The following ASB7 variants were observed in gnomAD, a reference collection of about 807,000 sequenced individuals.
The protein encoded by ASB7 is ankyrin repeat and SOCS box containing 7.
A neutral mutation model predicts 32.5 loss-of-function variants in ASB7; 4 were observed. That is an observed-to-expected ratio of 0.12 (90% CI 0.06 to 0.28). ASB7 has a LOEUF of 0.28. Ranked by LOEUF, ASB7 falls within the 10% of genes least tolerant of loss-of-function variation. The pLI is 1.00. For missense variants in ASB7, 181 were observed against 407.1 expected, an observed-to-expected ratio of 0.44 and a Z score of 4.78; for synonymous variants, 172 against 155.6, an observed-to-expected ratio of 1.11 and a Z score of -0.78.
intron 5 of ASB7, chr15:100,645,655 A>T: frequency 8.0e-7 from 1 of 1,245,534 alleles, no homozygotes; most frequent in Non-Finnish European, 1.2e-6. Flanking sequence ...CCCAACCTGT[A>T]TGTGAGGTTA....
At chr15:100,635,427 G>A (rs2039915546) in intron 5 of ASB7, among the ~76,000 whole-genome samples, 1 of 152,048 alleles carries the variant, frequency 6.6e-6, no homozygotes, top group African/African-American at 2.4e-5. Context: ...TAGACATGGT[G>A]GGTAACAGAA....
At chr15:100,624,122 A>G (rs2039816790) in intron 4 of ASB7, among the ~76,000 whole-genome samples, 1 of 152,218 alleles carries the variant, frequency 6.6e-6, no homozygotes, top group African/African-American at 2.4e-5. Flanking sequence ...TCGATAGTAG[A>G]GAATAGAAGA....
At chr15:100,624,920 C>T (rs182040681) in intron 4 of ASB7, among the ~76,000 whole-genome samples, 7 of 152,006 alleles carry the variant, frequency 4.6e-5, no homozygotes, top group African/African-American at 7.2e-5. Context: ...AAATATTATG[C>T]CCAAGTAGTA....
intron 5 of ASB7, among the ~76,000 whole-genome samples, chr15:100,646,851 T>C (rs975854358): frequency 1.3e-5 from 2 of 152,224 alleles, no homozygotes; most frequent in African/African-American, 4.8e-5. Flanking sequence ...AGACATGATT[T>C]GCCTTTCTCT....
At position 100,634,474 on chromosome 15, in the gene ASB7, G is replaced by T. The variant is rs538283578; in HGVS notation, c.817+4432G>T. On this transcript the variant is annotated intron_variant, in intron 5 of 5. Transcript: ENST00000332783. ...TGGCAAGGTAAGTACTGTTCTCACC[G>T]AGCCACTTCTGCAGGTGAAAGGAAA... Among the ~76,000 whole-genome samples, 190 of 152,268 alleles carry T rather than the reference G, an allele frequency of 1.2e-3. 1 individual carries two copies. The highest frequency in any genetic ancestry group is 2.1e-3 in the Non-Finnish European group (146 of 68,014).
intron 2 of ASB7, among the ~76,000 whole-genome samples, chr15:100,604,916 T>TA (rs1433064867): frequency 3.9e-5 from 6 of 152,224 alleles, no homozygotes; most frequent in Non-Finnish European, 8.8e-5. Context: ...CAAAATGAAG[T>TA]ACTGTGTTTT....
At chr15:100,619,760 C>G (rs918313147) in intron 4 of ASB7, among the ~76,000 whole-genome samples, 2 of 152,196 alleles carry the variant, frequency 1.3e-5, no homozygotes, top group Non-Finnish European at 2.9e-5. Context: ...TTGCTTGTGA[C>G]CATAGTTTGG....
At chr15:100,607,448 G>A (rs1443413997) in intron 2 of ASB7, among the ~76,000 whole-genome samples, 1 of 152,176 alleles carries the variant, frequency 6.6e-6, no homozygotes, top group Non-Finnish European at 1.5e-5. Context: ...GACTATTTGG[G>A]GGTCTTTTGT....
At chr15:100,624,840 T>G (rs980771088) in intron 4 of ASB7, among the ~76,000 whole-genome samples, 1 of 152,172 alleles carries the variant, frequency 6.6e-6, no homozygotes. Flanking sequence ...AAGCCAATAT[T>G]TTTCATGACA....
intron 4 of ASB7, among the ~76,000 whole-genome samples, chr15:100,619,134 TC>T (rs1310124118): frequency 2.0e-5 from 3 of 152,106 alleles, no homozygotes; most frequent in African/African-American, 7.2e-5. Context: ...AAGGAAGACT[TC>T]CTAGATAAAG....
At chr15:100,610,081 A>G (rs372306576) in intron 3 of ASB7, among the ~76,000 whole-genome samples, 5 of 152,340 alleles carry the variant, frequency 3.3e-5, no homozygotes, top group South Asian at 4.1e-4. Context: ...TAATTCCTTC[A>G]GACGGTCTTC....
At chr15:100,645,957 T>C in intron 5 of ASB7, 1 of 547,634 alleles carries the variant, frequency 1.8e-6, no homozygotes, top group Non-Finnish European at 3.5e-6. Context: ...CCAACTGCTC[T>C]GTTTTCTGTT....
intron 5 of ASB7, among the ~76,000 whole-genome samples, chr15:100,639,856 G>A (rs924345057): frequency 3.3e-5 from 5 of 152,010 alleles, no homozygotes; most frequent in East Asian, 3.9e-4. Context: ...TTTAATATAG[G>A]CATCTAGAGA....
chr15:100,604,554 T>A (rs1423303295), intron 2 of ASB7, among the ~76,000 whole-genome samples: 1 of 152,228 alleles, frequency 6.6e-6, no homozygotes, highest in South Asian at 2.1e-4. Context: ...CTTTACTGAT[T>A]CTGTTAATTC....
intron 4 of ASB7, among the ~76,000 whole-genome samples, chr15:100,621,140 A>ATGT (rs761245451): frequency 1.3e-5 from 2 of 152,252 alleles, no homozygotes; most frequent in South Asian, 2.1e-4. Context: ...GTTTAGCAGT[A>ATGT]TGTATTGAAG....
Position 100,648,591 on chromosome 15 carries a change from G to T in ASB7, c.*129G>T. ...ATCAGAAAGCAGGTATACACTTTTG[G>T]GTTTTCTGTTTGTTTGGTTGGTTTT... On this transcript the variant is annotated 3_prime_UTR_variant, in exon 6 of 6. Coordinates refer to ENST00000332783, the MANE Select transcript of ASB7 (RefSeq NM_198243.3). 1.3e-6 allele frequency: 1 copy of T among 783,162 alleles called. No individual in the cohort carries two copies. The highest frequency in any genetic ancestry group is 1.8e-5 in the African/African-American group (1 of 54,730). 48.5% of individuals were successfully genotyped at this position (783,162 alleles called of 1,614,324 possible).
chr15:100,634,401 T>C (rs761274811), intron 5 of ASB7, among the ~76,000 whole-genome samples: 11 of 152,210 alleles, frequency 7.2e-5, no homozygotes, highest in Non-Finnish European at 1.6e-4. Flanking sequence ...AAATATATGT[T>C]TTTGGGGAAA....
At chr15:100,613,652 G>C (rs1392055576) in intron 4 of ASB7, among the ~76,000 whole-genome samples, 2 of 152,228 alleles carry the variant, frequency 1.3e-5, no homozygotes, top group Non-Finnish European at 2.9e-5. Context: ...AGTCAGAACG[G>C]TTAAAATTCT....
intron 2 of ASB7, among the ~76,000 whole-genome samples, chr15:100,604,965 C>T (rs1335249386): frequency 2.6e-5 from 4 of 152,170 alleles, no homozygotes; most frequent in Non-Finnish European, 5.9e-5. Context: ...TTCAGCTTTA[C>T]ATGTAACTCT....
Sources: gnomAD v4.1 joint callset for allele counts (sites outside exome capture counted in the v4.1 genomes callset) on GRCh38, gnomAD v4.1.1 for gene constraint, MANE v1.5 for transcripts, NCBI Gene and HGNC (gene_info 2026-07-23, HGNC 2026-07-21) for gene names.